The following ANOS1 variants were observed in gnomAD, a reference collection of about 807,000 sequenced individuals.
ANOS1 encodes anosmin 1, also known as anosmin-1.
Under a neutral mutation model 59.0 loss-of-function variants are expected in ANOS1, and 6 were observed. The ratio of observed to expected loss-of-function variants is 0.10; its 90% confidence interval spans 0.06 to 0.20. ANOS1 has a LOEUF of 0.20. ANOS1 is among the 10% of genes least tolerant of loss of function. The pLI, the probability that ANOS1 is intolerant of heterozygous loss-of-function variation, is 1.00. For synonymous variants in ANOS1, 217 were observed against 223.4 expected (o/e 0.97, Z 0.25); for missense variants, 433 against 542.3 (o/e 0.80, Z 2.00).
chrX:8,706,322 T>A (rs1230803803), intron 1 of ANOS1, among the ~76,000 whole-genome samples: 2 of 112,224 alleles, frequency 1.8e-5, no homozygotes, highest in Non-Finnish European at 3.8e-5. Flanking sequence ...AACTGAACAT[T>A]TGAAATAGAA....
intron 2 of ANOS1, among the ~76,000 whole-genome samples, chrX:8,631,172 C>CA (rs757887977): frequency 2.5e-4 from 28 of 112,111 alleles, no homozygotes; most frequent in Non-Finnish European, 4.7e-4. Flanking sequence ...GAGTGTTGTC[C>CA]AACAAGCTAT....
chrX:8,708,853 G>A (rs1290681629), intron 1 of ANOS1, among the ~76,000 whole-genome samples: 1 of 111,793 alleles, frequency 8.9e-6, no homozygotes, highest in Non-Finnish European at 1.9e-5. Flanking sequence ...GCAAAGACTT[G>A]GAACCAACCC....
chrX:8,598,331 A>G (rs1362760673), intron 3 of ANOS1, among the ~76,000 whole-genome samples: 1 of 112,049 alleles, frequency 8.9e-6, no homozygotes, highest in East Asian at 2.8e-4. Flanking sequence ...AGCCTGAGTA[A>G]TGTGAAAGAG....
intron 1 of ANOS1, among the ~76,000 whole-genome samples, chrX:8,720,629 T>C (rs1223641107): frequency 9.0e-6 from 1 of 111,654 alleles, no homozygotes; most frequent in African/African-American, 3.3e-5. Flanking sequence ...TGGCCAGGTA[T>C]GGTGGCTCAC....
intron 2 of ANOS1, among the ~76,000 whole-genome samples, chrX:8,670,909 C>T (rs1037383471): frequency 9.0e-6 from 1 of 111,055 alleles, no homozygotes. Flanking sequence ...ATGTTTCCAT[C>T]TCCCTCGCTT....
chrX:8,651,036 A>G (rs1243530225), intron 2 of ANOS1, among the ~76,000 whole-genome samples: 1 of 113,145 alleles, frequency 8.8e-6, no homozygotes, highest in Non-Finnish European at 1.9e-5. Context: ...CCTGAAAGAA[A>G]GCACACAGTG....
chrX:8,716,231 C>T (rs1476028358), intron 1 of ANOS1, among the ~76,000 whole-genome samples: 1 of 112,116 alleles, frequency 8.9e-6, no homozygotes, highest in Non-Finnish European at 1.9e-5. Context: ...CATGAGTCTG[C>T]TCATAGATAA....
intron 1 of ANOS1, among the ~76,000 whole-genome samples, chrX:8,719,837 T>TA (rs1191685238): frequency 1.8e-5 from 2 of 110,142 alleles, no homozygotes; most frequent in Non-Finnish European, 3.8e-5. Flanking sequence ...CTTATGAAAA[T>TA]AAAAAAGTTA....
intron 1 of ANOS1, among the ~76,000 whole-genome samples, chrX:8,717,517 T>G (rs1038249550): frequency 2.7e-5 from 3 of 111,467 alleles, no homozygotes; most frequent in Non-Finnish European, 5.6e-5. Flanking sequence ...CTACTTTCTT[T>G]TAAATTCTGG....
intron 1 of ANOS1, among the ~76,000 whole-genome samples, chrX:8,726,023 C>T (rs1932917364): frequency 9.1e-6 from 1 of 110,171 alleles, no homozygotes; most frequent in Non-Finnish European, 1.9e-5. Context: ...AGTCGTGGTT[C>T]TCCCAGCGGC....
intron 2 of ANOS1, among the ~76,000 whole-genome samples, chrX:8,665,104 C>A (rs113513888): frequency 2.7e-5 from 3 of 111,587 alleles, no homozygotes; most frequent in Non-Finnish European, 5.6e-5. Context: ...AAAGGCGGGA[C>A]GTGCTCCCAG....
intron 4 of ANOS1, among the ~76,000 whole-genome samples, chrX:8,591,641 T>C (rs1429925993): frequency 8.9e-6 from 1 of 112,208 alleles, no homozygotes; most frequent in African/African-American, 3.2e-5. Flanking sequence ...GCAATTTGCA[T>C]GTTAAGAAAT....
Position 8,554,031 on chromosome X carries a change from G to A in ANOS1, c.1275C>T (p.Pro425=). 8.3e-7 allele frequency: 1 copy of A among 1,205,823 alleles called. No individual in the cohort carries two copies. Among genetic ancestry groups the A allele is most frequent in the Non-Finnish European group, 1.1e-6 (1 of 890,112 alleles). Residue 425 remains proline (P), a synonymous_variant, in exon 9 of 14, where the codon CCC becomes CCT. Transcript: ENST00000262648. ...GAGCTCCGACTTCCAGCGGGCGAGT[G>A]GGTCGTCGTCTTTGAAAAGGGAGTT... ...QTQLPFQRRR[P]TRPLEVGAPF... is the part of the protein sequence containing the mutation.
chrX:8,561,965 T>G (rs1930039996), intron 8 of ANOS1, among the ~76,000 whole-genome samples: 1 of 110,989 alleles, frequency 9.0e-6, no homozygotes, highest in African/African-American at 3.3e-5. Flanking sequence ...AAACAGAGTC[T>G]CACTCTGTCG....
At chrX:8,585,427 C>T (rs745390432) in intron 5 of ANOS1, 31 bp from the exon 6 acceptor site, 1 of 1,207,951 alleles carries the variant, frequency 8.3e-7, no homozygotes, top group Non-Finnish European at 1.1e-6. Flanking sequence ...GCACAGGGAA[C>T]ATGTCACTTT....
chrX:8,641,076 A>G (rs1931657029), intron 2 of ANOS1, among the ~76,000 whole-genome samples: 1 of 112,539 alleles, frequency 8.9e-6, no homozygotes, highest in Non-Finnish European at 1.9e-5. Context: ...TGAGAAAATT[A>G]GTAGGAAATG....
At chrX:8,681,095 T>A (rs942090536) in intron 2 of ANOS1, among the ~76,000 whole-genome samples, 8 of 111,774 alleles carry the variant, frequency 7.2e-5, no homozygotes, top group African/African-American at 2.6e-4. Flanking sequence ...AACCCCCTTT[T>A]CTTTGTCTAT....
intron 12 of ANOS1, 177 bp downstream of exon 12, chrX:8,535,414 T>C (rs1929571667): frequency 2.1e-6 from 1 of 466,476 alleles, no homozygotes; most frequent in Non-Finnish European, 3.8e-6. Context: ...TTCTTAGCTA[T>C]GCAGTCACAT....
chrX:8,645,891 G>A (rs1296674861), intron 2 of ANOS1, among the ~76,000 whole-genome samples: 3 of 112,030 alleles, frequency 2.7e-5, no homozygotes, highest in East Asian at 2.8e-4. Flanking sequence ...TGATCCGCCC[G>A]CCTCGGCCTC....
Sources: gnomAD v4.1 joint callset for allele counts (sites outside exome capture counted in the v4.1 genomes callset) on GRCh38, gnomAD v4.1.1 for gene constraint, MANE v1.5 for transcripts, NCBI Gene and HGNC (gene_info 2026-07-23, HGNC 2026-07-21) for gene names.